CALHM4: variants seen among roughly 807,000 people sequenced by gnomAD.
CALHM4 encodes the protein calcium homeostasis modulator family member 4, also known as calcium homeostasis modulator protein 4.
In CALHM4, 16 loss-of-function variants were observed where a neutral mutation model predicts 13.3. The ratio of observed to expected loss-of-function variants is 1.20; its 90% CI spans 0.81 to 1.82. The LOEUF (loss-of-function observed/expected upper bound fraction) is 1.82, where lower values mean the gene tolerates loss of function less well. CALHM4 is among the 40% of genes most tolerant of loss of function. CALHM4 has a pLI of 0.00. For synonymous variants in CALHM4, 127 were observed against 137.1 expected, an observed-to-expected ratio of 0.93 and a Z score of 0.52; for missense variants, 344 against 374.9, an observed-to-expected ratio of 0.92 and a Z score of 0.68.
chr6:116,556,556 G>A (rs1774326448), intron 1 of CALHM4, among the ~76,000 whole-genome samples: 1 of 152,164 alleles, frequency 6.6e-6, no homozygotes, highest in Non-Finnish European at 1.5e-5. Flanking sequence ...ATCCCACTGT[G>A]CACACACTGG....
upstream of CALHM4, among the ~76,000 whole-genome samples, chr6:116,549,957 C>G (rs1014190387): frequency 2.9e-5 from 4 of 140,330 alleles, no homozygotes; most frequent in Admixed American, 2.2e-4. Flanking sequence ...GACTGGACGA[C>G]AAGAGCAAAA....
chr6:116,553,731 A>G, upstream of CALHM4: 1 of 1,414,108 alleles, frequency 7.1e-7, no homozygotes, highest in Non-Finnish European at 9.6e-7. Flanking sequence ...TAAAATGGTT[A>G]TAGCTGGTGG....
At chr6:116,537,148 G>A (rs1773150632) in intron 1 of CALHM4, among the ~76,000 whole-genome samples, 1 of 152,190 alleles carries the variant, frequency 6.6e-6, no homozygotes, top group Non-Finnish European at 1.5e-5. Flanking sequence ...TCTTACACTA[G>A]AGAAGGGTGA....
At chr6:116,537,312 G>A (rs1255267328) in intron 1 of CALHM4, among the ~76,000 whole-genome samples, 1 of 152,184 alleles carries the variant, frequency 6.6e-6, no homozygotes, top group Non-Finnish European at 1.5e-5. Flanking sequence ...TATTTGGAAA[G>A]CAGATGTTGT....
chr6:116,548,602 C>T (rs577158100), intron 2 of CALHM4, among the ~76,000 whole-genome samples: 2 of 152,306 alleles, frequency 1.3e-5, no homozygotes, highest in South Asian at 4.1e-4. Flanking sequence ...AAAGAATGGT[C>T]TACAATTTCC....
chr6:116,551,757 C>T (rs946865715), upstream of CALHM4, among the ~76,000 whole-genome samples: 19 of 152,238 alleles, frequency 1.2e-4, no homozygotes, highest in African/African-American at 4.3e-4. Flanking sequence ...TGTTATATGG[C>T]AGATGTATGG....
At chr6:116,548,358 G>A (rs1773903052) in intron 2 of CALHM4, among the ~76,000 whole-genome samples, 1 of 152,124 alleles carries the variant, frequency 6.6e-6, no homozygotes, top group African/African-American at 2.4e-5. Context: ...CTAGTCTGAA[G>A]TATTATAGCA....
rs1287044317 is a variant in CALHM4 at position 116,554,078 on chromosome 6, A to G, written c.285A>G (p.Leu95=). ...CTCCATACAGGAGAATCAGCCCCCT[A>G]GAGTGCAAGCTGGCTTGCCTTAGGT... is the stretch of plus-strand genomic sequence containing the variant. The part of the protein sequence containing the change: ...CAPPYRRISP[L]ECKLACLRFF... The change falls in exon 1 of 2, where the codon CTA becomes CTG. Residue 95 remains leucine (L), a synonymous_variant. Coordinates refer to ENST00000368596, the MANE Select transcript of CALHM4 (RefSeq NM_001366078.2). 6.4e-7 allele frequency: 1 copy of G among 1,550,584 alleles called. No individual in the cohort carries two copies. The highest frequency in any genetic ancestry group is 1.2e-5 in the South Asian group (1 of 84,058).
chr6:116,545,648 C>A, intron 2 of CALHM4: 1 of 653,846 alleles, frequency 1.5e-6, no homozygotes, highest in Non-Finnish European at 2.5e-6. Context: ...GCTGCTTCTG[C>A]ACTCTGCTGC....
rs1303974316 is a variant in CALHM4 at position 116,558,029 on chromosome 6, A to C, written c.763A>C (p.Ile255Leu). 1 of 1,614,194 alleles carries C rather than the reference A, an allele frequency of 6.2e-7. No homozygotes were observed. The highest frequency in any genetic ancestry group is 8.5e-7 in the Non-Finnish European group (1 of 1,180,026). Reference protein sequence around the residue: ...MHRIKKLFGFIPGSEDVKHIR... With the variant: ...MHRIKKLFGFLPGSEDVKHIR... ...TCGCATAAAGAAGCTATTTGGCTTC[A>C]TTCCCGGGAGTGAAGACGTCAAACA... Residue 255 changes from isoleucine to leucine, a missense_variant, in exon 2 of 2, where the codon ATT becomes CTT. Physicochemically the swap from Ile to Leu is conservative, Grantham distance 5. Transcript: ENST00000368596.
intron 1 of CALHM4, among the ~76,000 whole-genome samples, chr6:116,555,455 C>T (rs950876855): frequency 1.4e-4 from 21 of 152,158 alleles, no homozygotes; most frequent in African/African-American, 4.6e-4. Context: ...TTTTACAGTT[C>T]TGAGTACCAT....
At chr6:116,535,862 C>G (rs1271769644) in intron 1 of CALHM4, among the ~76,000 whole-genome samples, 1 of 152,170 alleles carries the variant, frequency 6.6e-6, no homozygotes. Context: ...AAATTCTAAG[C>G]TGGCTTTTCT....
rs370109293 is a variant in CALHM4, at chr6:116,558,150, G to A, written c.884G>A (p.Gly295Glu). ...DDLQGHYSFL[G>E]NRVDEDNEED... ...TTGCAAGGTCACTATAGCTTCCTTGGAAATAGGGTGGATGAGGATAATGAG... is the reference window on the plus strand; with the variant it reads ...TTGCAAGGTCACTATAGCTTCCTTGAAAATAGGGTGGATGAGGATAATGAG... Residue 295 changes from glycine (G) to glutamate (E), a missense_variant, in exon 2 of 2, where the codon GGA becomes GAA. Transcript: ENST00000368596. 6.5e-5 allele frequency: 105 copies of A among 1,614,126 alleles called. No homozygotes were observed. The highest frequency in any genetic ancestry group is 1.7e-4 in the Middle Eastern group (1 of 6,060).
rs529451519 is a variant in CALHM4, at chr6:116,542,485, C to A, written c.-108-1280C>A. 2.9e-3 allele frequency among the ~76,000 whole-genome samples: 437 copies of A among 152,086 alleles called. 4 individuals carry two copies. Among genetic ancestry groups the A allele is most frequent in the Non-Finnish European group, 4.8e-3 (326 of 67,988 alleles). ...TCTAAAATGTTAGGCTAAATTTCCC[C>A]TTCAATCTGCCTAGATAAATCTTCT... On this transcript the variant is annotated intron_variant, in intron 1 of 2. Coordinates refer to the CALHM4 transcript ENST00000368597.
chr6:116,537,558 T>G (rs1400824102), intron 1 of CALHM4, among the ~76,000 whole-genome samples: 1 of 152,222 alleles, frequency 6.6e-6, no homozygotes, highest in East Asian at 1.9e-4. Context: ...CTTACTCGAT[T>G]CCTCTTCAAC....
upstream of CALHM4, among the ~76,000 whole-genome samples, chr6:116,549,064 C>T (rs546612381): frequency 2.0e-5 from 3 of 152,302 alleles, no homozygotes; most frequent in East Asian, 5.8e-4. Context: ...GTCGGTGGAT[C>T]ACCTGAGGTC....
At chr6:116,533,541 G>A (rs1301496749) in intron 1 of CALHM4, among the ~76,000 whole-genome samples, 2 of 152,162 alleles carry the variant, frequency 1.3e-5, no homozygotes, top group East Asian at 3.9e-4. Flanking sequence ...AGGGTCAAAC[G>A]TGAGGCCACC....
chr6:116,545,464 A>G (rs1319093556), intron 2 of CALHM4: 1 of 1,541,456 alleles, frequency 6.5e-7, no homozygotes, highest in East Asian at 2.5e-5. Context: ...CTTTGTAGAA[A>G]GATCTTACTA....
chr6:116,553,090 A>G (rs919622668), upstream of CALHM4, among the ~76,000 whole-genome samples: 7 of 152,240 alleles, frequency 4.6e-5, no homozygotes, highest in African/African-American at 1.2e-4. Flanking sequence ...AACAACAACA[A>G]CAAAACAAAT....
Sources: allele counts gnomAD v4.1 joint callset (sites outside exome capture counted in the v4.1 genomes callset), GRCh38; gene constraint gnomAD v4.1.1; transcripts MANE v1.5; gene names NCBI Gene and HGNC (gene_info 2026-07-23, HGNC 2026-07-21).